Variants in PLPPR1 observed in about 807,000 individuals in gnomAD.
PLPPR1 encodes phospholipid phosphatase-related protein type 1.
A neutral mutation model predicts 33.1 loss-of-function variants in PLPPR1; 10 were observed. The ratio of observed to expected loss-of-function variants is 0.30; its 90% CI spans 0.19 to 0.51. The LOEUF is 0.51. Ranked by LOEUF, PLPPR1 falls within the 20% of genes least tolerant of loss-of-function variation. PLPPR1 has a pLI of 0.97. For missense variants in PLPPR1, 304 were observed against 408.1 expected (o/e 0.74, Z 2.20); for synonymous variants, 151 against 151.0 (o/e 1.00, Z 0.00).
intron 1 of PLPPR1, among the ~76,000 whole-genome samples, chr9:101,153,078 G>A (rs1831615782): frequency 6.6e-6 from 1 of 152,154 alleles, no homozygotes; most frequent in Non-Finnish European, 1.5e-5. Flanking sequence ...ATTTCCTTGA[G>A]CAGTGGTTTG....
chr9:101,264,264 C>G (rs772716010), intron 2 of PLPPR1, among the ~76,000 whole-genome samples: 6 of 152,166 alleles, frequency 3.9e-5, no homozygotes, highest in Non-Finnish European at 8.8e-5. Context: ...CACCTAAGCT[C>G]TGATGTCATA....
intron 2 of PLPPR1, among the ~76,000 whole-genome samples, chr9:101,242,849 C>G (rs1425069355): frequency 6.6e-6 from 1 of 152,020 alleles, no homozygotes; most frequent in African/African-American, 2.4e-5. Context: ...CCTTGAGGAG[C>G]TCACAGTTTA....
intron 1 of PLPPR1, among the ~76,000 whole-genome samples, chr9:101,182,395 TA>T (rs1826130163): frequency 6.6e-6 from 1 of 151,796 alleles, no homozygotes; most frequent in African/African-American, 2.4e-5. Flanking sequence ...AATGTTTTGG[TA>T]GTAAAAATAA....
At chr9:101,120,969 A>G (rs1831172295) in intron 1 of PLPPR1, among the ~76,000 whole-genome samples, 1 of 152,210 alleles carries the variant, frequency 6.6e-6, no homozygotes, top group Admixed American at 6.5e-5. Context: ...AAACTTGCCT[A>G]AAGATTGATG....
chr9:101,036,448 G>A (rs1830011654), intron 1 of PLPPR1, among the ~76,000 whole-genome samples: 1 of 152,058 alleles, frequency 6.6e-6, no homozygotes, highest in Admixed American at 6.6e-5. Context: ...TTGTCTTAGG[G>A]CTAGAGGAAA....
chr9:101,222,880 G>T (rs996559050), intron 2 of PLPPR1, among the ~76,000 whole-genome samples: 3 of 151,874 alleles, frequency 2.0e-5, no homozygotes, highest in Admixed American at 6.6e-5. Flanking sequence ...CAGACAACAG[G>T]ACCTATAATG....
chr9:101,312,590 A>C (rs3780531), intron 5 of PLPPR1, among the ~76,000 whole-genome samples: 39,874 of 152,032 alleles, frequency 0.26, 5,459 homozygotes, highest in African/African-American at 0.32. Context: ...AAGAATGTAC[A>C]TCTGTTCATT....
intron 2 of PLPPR1, among the ~76,000 whole-genome samples, chr9:101,264,401 C>G (rs1244532827): frequency 1.3e-5 from 2 of 152,136 alleles, no homozygotes; most frequent in Non-Finnish European, 2.9e-5. Context: ...CATGCATCCT[C>G]TTCTCCCTCA....
intron 1 of PLPPR1, among the ~76,000 whole-genome samples, chr9:101,139,422 G>T (rs1831419632): frequency 6.6e-6 from 1 of 152,032 alleles, no homozygotes; most frequent in South Asian, 2.1e-4. Context: ...TCAGAAACTG[G>T]GCTTACAGTT....
At chr9:101,232,771 C>A (rs999956534) in intron 2 of PLPPR1, among the ~76,000 whole-genome samples, 1 of 151,910 alleles carries the variant, frequency 6.6e-6, no homozygotes, top group African/African-American at 2.4e-5. Context: ...AGGTCTTGGG[C>A]AAGTTATTTT....
intron 1 of PLPPR1, among the ~76,000 whole-genome samples, chr9:101,146,908 T>C (rs751155021): frequency 5.3e-5 from 8 of 152,194 alleles, no homozygotes; most frequent in Non-Finnish European, 8.8e-5. Context: ...CATTAAGAAT[T>C]TTAAGAAACT....
rs142428166 is a variant in PLPPR1, at chr9:101,174,971, T to A, written c.-45-10479T>A. Among the ~76,000 whole-genome samples the A allele has an allele frequency of 5.5e-3, 839 of 152,202 alleles. 8 individuals are homozygous for A. The highest frequency in any genetic ancestry group is 0.019 in the African/African-American group (774 of 41,536). On this transcript the variant is annotated intron_variant, in intron 1 of 7. Coordinates refer to ENST00000374874, the MANE Select transcript of PLPPR1 (RefSeq NM_207299.2). ...CCTTGAAGTATTCTAATTACGAGAG[T>A]TTGTGCATAATGAGCTTCAAGTACA...
chr9:101,255,420 C>T (rs900640502), intron 2 of PLPPR1, among the ~76,000 whole-genome samples: 6 of 152,092 alleles, frequency 3.9e-5, no homozygotes, highest in Non-Finnish European at 8.8e-5. Flanking sequence ...ATTTGATTTC[C>T]TGTCTTTCCC....
chr9:101,049,996 G>A (rs550141036), intron 1 of PLPPR1, among the ~76,000 whole-genome samples: 48 of 151,582 alleles, frequency 3.2e-4, no homozygotes, highest in Non-Finnish European at 5.9e-4. Flanking sequence ...GTGGTGGCGT[G>A]CGCCTGTAGT....
At chr9:101,322,254 A>G (rs1450325492) in intron 7 of PLPPR1, among the ~76,000 whole-genome samples, 1 of 150,510 alleles carries the variant, frequency 6.6e-6, no homozygotes, top group East Asian at 1.9e-4. Flanking sequence ...AGCAATAATA[A>G]TAATTAGATC....
intron 2 of PLPPR1, among the ~76,000 whole-genome samples, chr9:101,201,251 C>G (rs1259974644): frequency 2.0e-5 from 3 of 152,184 alleles, no homozygotes; most frequent in African/African-American, 7.2e-5. Context: ...TCCCATCTCT[C>G]AATACTACCA....
chr9:101,227,250 C>T (rs775708066), intron 2 of PLPPR1, among the ~76,000 whole-genome samples: 25 of 151,718 alleles, frequency 1.6e-4, no homozygotes, highest in Admixed American at 2.6e-4. Flanking sequence ...GCCATACATA[C>T]ATTCACTTTA....
At chr9:101,318,330 T>C (rs1012402418) in intron 7 of PLPPR1, among the ~76,000 whole-genome samples, 15 of 152,328 alleles carry the variant, frequency 9.8e-5, no homozygotes, top group Admixed American at 7.2e-4. Flanking sequence ...GGAAGACGAC[T>C]TGCCAACTGA....
chr9:101,163,355 T>C (rs1354507962), intron 1 of PLPPR1, among the ~76,000 whole-genome samples: 2 of 152,170 alleles, frequency 1.3e-5, no homozygotes, highest in East Asian at 3.9e-4. Context: ...TGCTAAACAG[T>C]ACACACATCA....
Sources: allele counts gnomAD v4.1 joint callset (sites outside exome capture counted in the v4.1 genomes callset), GRCh38; gene constraint gnomAD v4.1.1; transcripts MANE v1.5; gene names NCBI Gene and HGNC (gene_info 2026-07-23, HGNC 2026-07-21).